WNT2B: variants seen among roughly 807,000 people sequenced by gnomAD.
The protein encoded by WNT2B is protein Wnt-2b.
A neutral mutation model predicts 40.5 loss-of-function variants in WNT2B; 19 were observed. The observed-to-expected ratio is 0.47, with a 90% CI of 0.33 to 0.69. The LOEUF (loss-of-function observed/expected upper bound fraction) is 0.69, where lower values mean the gene tolerates loss of function less well. Ranked by LOEUF, WNT2B falls within the 30% of genes least tolerant of loss-of-function variation. The pLI, the probability that WNT2B is intolerant of heterozygous loss-of-function variation, is 0.02. For synonymous variants in WNT2B, 220 were observed against 211.9 expected (o/e 1.04, Z -0.33); for missense variants, 467 against 556.4 (o/e 0.84, Z 1.62).
At chr1:112,499,124 T>G (rs974850076) in intron 1 of WNT2B, among the ~76,000 whole-genome samples, 1 of 150,754 alleles carries the variant, frequency 6.6e-6, no homozygotes, top group Non-Finnish European at 1.5e-5. Flanking sequence ...GAGAATGGCT[T>G]GAACCCAGGA....
chr1:112,513,179 A>G (rs1652414245), intron 1 of WNT2B, among the ~76,000 whole-genome samples: 1 of 152,168 alleles, frequency 6.6e-6, no homozygotes, highest in African/African-American at 2.4e-5. Flanking sequence ...GAACTAGGGA[A>G]GCTGAACGGT....
chr1:112,478,046 C>A (rs1197538906), intron 1 of WNT2B, among the ~76,000 whole-genome samples: 1 of 152,102 alleles, frequency 6.6e-6, no homozygotes, highest in Non-Finnish European at 1.5e-5. Flanking sequence ...CCAGCCTGGG[C>A]AACATAGTGA....
chr1:112,509,143 C>T lies in WNT2B; in HGVS notation c.-120C>T, dbSNP rs1652242098. 3 of 1,377,704 alleles carry T rather than the reference C, an allele frequency of 2.2e-6. No homozygotes were observed. Among genetic ancestry groups the T allele is most frequent in the Admixed American group, 3.7e-5 (1 of 26,854 alleles). The allele number at this position is 1,377,704 out of a possible 1,614,324, so 85.3% of individuals were successfully genotyped here. A position where few individuals can be genotyped will look rare whatever the true frequency, so the allele number is the denominator to read the frequency against. On this transcript the variant is annotated 5_prime_UTR_variant, in exon 1 of 5. Coordinates refer to ENST00000369684, the MANE Select transcript of WNT2B (RefSeq NM_024494.3). This position sits in a 1 kb window ranked among gnomAD's most constrained non-coding sequence, Gnocchi z 4.2. ...TCTGGACCCCAGGTGATCCTAGGTC[C>T]CCAGCCGCCGGCGAACACCATGGCC...
chr1:112,496,667 C>T (rs1356059706), intron 1 of WNT2B, among the ~76,000 whole-genome samples: 1 of 151,072 alleles, frequency 6.6e-6, no homozygotes, highest in Non-Finnish European at 1.5e-5. Context: ...ATGGTATGAT[C>T]TTGGCTCACC....
chr1:112,470,944 C>G (rs1240077781), intron 1 of WNT2B, among the ~76,000 whole-genome samples: 1 of 152,222 alleles, frequency 6.6e-6, no homozygotes, highest in Non-Finnish European at 1.5e-5. Flanking sequence ...CAGGGGCTTC[C>G]TCCTTGGTGT....
intron 1 of WNT2B, among the ~76,000 whole-genome samples, chr1:112,473,535 C>T (rs553919766): frequency 6.7e-4 from 102 of 151,354 alleles, no homozygotes; most frequent in Middle Eastern, 3.4e-3. Context: ...TAAAAGCAAT[C>T]CATAATAAAA....
At chr1:112,494,904 T>C (rs1651715860) in intron 1 of WNT2B, among the ~76,000 whole-genome samples, 1 of 151,530 alleles carries the variant, frequency 6.6e-6, no homozygotes, top group Non-Finnish European at 1.5e-5. Flanking sequence ...TTGTTCAAAA[T>C]AAAAATAGCA....
chr1:112,480,564 A>G (rs1651195273), intron 1 of WNT2B, among the ~76,000 whole-genome samples: 1 of 152,108 alleles, frequency 6.6e-6, no homozygotes, highest in African/African-American at 2.4e-5. Flanking sequence ...ACCAATAAAA[A>G]ATAAGGCAAC....
Position 112,525,273 on chromosome 1 carries a change from G to A in WNT2B, c.*4764G>A, listed in dbSNP as rs574311107. 33 of 152,334 alleles carry A rather than the reference G, an allele frequency of 2.2e-4. 1 individual carries two copies. Among genetic ancestry groups the A allele is most frequent in the African/African-American group, 7.2e-4 (30 of 41,568 alleles). 9.4% of individuals were successfully genotyped at this position (152,334 alleles called of 1,614,324 possible). ...TTCCAGGGATGATCTCCATAAGAGAGAAGCACTGGAAAAGACCAAGTGGTG... is the reference window on the plus strand; with the variant it reads ...TTCCAGGGATGATCTCCATAAGAGAAAAGCACTGGAAAAGACCAAGTGGTG... On this transcript the variant is annotated 3_prime_UTR_variant, in exon 5 of 5. Transcript: ENST00000369684.
At position 112,525,928 on chromosome 1, in the gene WNT2B, T is replaced by C. The variant is rs1373610288; in HGVS notation, c.*5419T>C. 7 of 1,578,326 alleles carry C rather than the reference T, an allele frequency of 4.4e-6. No individual in the cohort carries two copies. The East Asian group carries it at 1.6e-4, about 36-fold the overall frequency. Reference sequence around the variant, plus strand: ...ATATATGTAATCCTCACAACAACCCTGTGAGGTAGGGGTTACTGTCACTTT... The same window carrying C: ...ATATATGTAATCCTCACAACAACCCCGTGAGGTAGGGGTTACTGTCACTTT... On this transcript the variant is annotated 3_prime_UTR_variant, in exon 5 of 5. Coordinates refer to ENST00000369684, the MANE Select transcript of WNT2B (RefSeq NM_024494.3).
chr1:112,520,660 C>G lies in WNT2B; in HGVS notation c.*151C>G. 1 of 809,074 alleles carries G rather than the reference C, an allele frequency of 1.2e-6. No homozygotes were observed. The highest frequency in any genetic ancestry group is 1.9e-6 in the Non-Finnish European group (1 of 512,952). 50.1% of individuals were successfully genotyped at this position (809,074 alleles called of 1,614,324 possible). A position where few individuals can be genotyped will look rare whatever the true frequency, so the allele number is the denominator to read the frequency against. ...GAGTAATCCATAGGGACCATGGTGT[C>G]CTGGCTGGTTCCTTAGCCCTGGGAA... On this transcript the variant is annotated 3_prime_UTR_variant, in exon 5 of 5. Transcript: ENST00000369684.
upstream of WNT2B, among the ~76,000 whole-genome samples, chr1:112,507,539 C>G (rs968042279): frequency 1.3e-5 from 2 of 152,186 alleles, no homozygotes; most frequent in Admixed American, 1.3e-4. Flanking sequence ...GCGCTAGGAC[C>G]CGGAGGCGGT....
At position 112,473,095 on chromosome 1, in the gene WNT2B, GAGGA is replaced by G. The variant is rs543387330; in HGVS notation, c.-95+5516_-95+5519del. ...AAAAAGAAAGAAAGAAACACGGAAG[GAGGA>G]AGGAAGGAAGGGAAAAAAGAAAGAA... On this transcript the variant is annotated intron_variant, in intron 1 of 4. Transcript: ENST00000256640. Among the ~76,000 whole-genome samples the G allele has an allele frequency of 4.5e-4, 42 of 93,504 alleles. No individual in the cohort carries two copies. The East Asian group carries it at 5.2e-3, about 12-fold the overall frequency. The allele number at this position is 93,504 out of a possible 152,430, so 61.3% of individuals were successfully genotyped here.
chr1:112,468,922 A>G (rs1324879124), intron 1 of WNT2B, among the ~76,000 whole-genome samples: 1 of 152,132 alleles, frequency 6.6e-6, no homozygotes, highest in African/African-American at 2.4e-5. Flanking sequence ...TTCTTCTAGT[A>G]GTTTTATAGT....
chr1:112,508,973 G>C lies in WNT2B; in HGVS notation c.-290G>C, dbSNP rs1321213754. The C allele has an allele frequency of 7.9e-7, 1 of 1,270,956 alleles. No homozygotes were observed. The highest frequency in any genetic ancestry group is 2.6e-5 in the South Asian group (1 of 38,864). The allele number at this position is 1,270,956 out of a possible 1,614,324, so 78.7% of individuals were successfully genotyped here. A position where few individuals can be genotyped will look rare whatever the true frequency, so the allele number is the denominator to read the frequency against. On this transcript the variant is annotated 5_prime_UTR_variant, in exon 1 of 5. Transcript: ENST00000369684. This position sits in a 1 kb window ranked among gnomAD's most constrained non-coding sequence, Gnocchi z 4.2. ...GGCCGAAGGGGCTGTCCGCACACTA[G>C]GCCCGCAGCTCCCTTCAGCGCCGCA...
At chr1:112,477,374 A>T (rs1488224947) in intron 1 of WNT2B, among the ~76,000 whole-genome samples, 1 of 152,200 alleles carries the variant, frequency 6.6e-6, no homozygotes, top group African/African-American at 2.4e-5. Flanking sequence ...CTTCATGCCC[A>T]CTTATAAATG....
Position 112,509,067 on chromosome 1 carries a change from G to T in WNT2B, c.-196G>T. Reference sequence around the variant, plus strand: ...ACCCCGGGTTCGGCACGCCGTCGTCGGCTTCCGGACATCGCAACTTGCGCC... The same window carrying T: ...ACCCCGGGTTCGGCACGCCGTCGTCTGCTTCCGGACATCGCAACTTGCGCC... On this transcript the variant is annotated 5_prime_UTR_variant, in exon 1 of 5. Transcript: ENST00000369684. The surrounding 1 kb of genome is among the most constrained non-coding windows in gnomAD (Gnocchi z 4.2). 1 of 1,347,622 alleles carries T rather than the reference G, an allele frequency of 7.4e-7. No individual in the cohort carries two copies. Among genetic ancestry groups the T allele is most frequent in the South Asian group, 2.0e-5 (1 of 50,906 alleles). 83.5% of individuals were successfully genotyped at this position (1,347,622 alleles called of 1,614,324 possible).
chr1:112,494,183 G>A (rs902450520), intron 1 of WNT2B, among the ~76,000 whole-genome samples: 5 of 150,982 alleles, frequency 3.3e-5, no homozygotes, highest in African/African-American at 9.9e-5. Context: ...GGTGGCGTGC[G>A]CCTGTAGTCC....
intron 1 of WNT2B, among the ~76,000 whole-genome samples, chr1:112,500,929 T>C (rs1651930566): frequency 6.6e-6 from 1 of 152,232 alleles, no homozygotes; most frequent in African/African-American, 2.4e-5. Flanking sequence ...AGTGGACCAA[T>C]ACTAATATAT....
Sources: allele counts gnomAD v4.1 joint callset (sites outside exome capture counted in the v4.1 genomes callset), GRCh38; gene constraint gnomAD v4.1.1; non-coding constraint Gnocchi (gnomAD v3.1); transcripts MANE v1.5; gene names NCBI Gene and HGNC (gene_info 2026-07-23, HGNC 2026-07-21).